Variants in PTPN11 observed in about 807,000 individuals in gnomAD.
PTPN11 encodes protein tyrosine phosphatase non-receptor type 11, also known as tyrosine-protein phosphatase non-receptor type 11.
Under a neutral mutation model 78.8 loss-of-function variants are expected in PTPN11, and 6 were observed. The observed-to-expected ratio is 0.08, with a 90% CI of 0.04 to 0.15. The LOEUF is 0.15. PTPN11 is among the 10% of genes least tolerant of loss of function. PTPN11 has a pLI of 1.00. For synonymous variants in PTPN11, 221 were observed against 263.5 expected (o/e 0.84, Z 1.56); for missense variants, 386 against 744.8 (o/e 0.52, Z 5.61).
At chr12:112,445,200 T>C (rs184447201) in intron 1 of PTPN11, among the ~76,000 whole-genome samples, 2 of 152,234 alleles carry the variant, frequency 1.3e-5, no homozygotes, top group East Asian at 1.9e-4. Context: ...GGCACGATCA[T>C]GGCTCACTGC....
chr12:112,437,970 G>C (rs1169864476), intron 1 of PTPN11, among the ~76,000 whole-genome samples: 1 of 151,998 alleles, frequency 6.6e-6, no homozygotes, highest in Non-Finnish European at 1.5e-5. Flanking sequence ...GTTTGTTCTA[G>C]GTTTTCTGAC....
chr12:112,462,165 C>T (rs556441045), intron 6 of PTPN11, among the ~76,000 whole-genome samples: 12 of 152,042 alleles, frequency 7.9e-5, no homozygotes, highest in African/African-American at 1.2e-4. Flanking sequence ...TGAGACCAGC[C>T]GGGGCAATAT....
chr12:112,436,636 T>G (rs1198023577), intron 1 of PTPN11, among the ~76,000 whole-genome samples: 1 of 152,160 alleles, frequency 6.6e-6, no homozygotes, highest in South Asian at 2.1e-4. Context: ...GAGCAAAATA[T>G]GCATCCAGAT....
chr12:112,445,501 G>A (rs989594842), intron 1 of PTPN11, among the ~76,000 whole-genome samples: 3 of 152,046 alleles, frequency 2.0e-5, no homozygotes, highest in African/African-American at 4.8e-5. Flanking sequence ...ATTACAGTTT[G>A]CACTAATACC....
At chr12:112,486,352 T>G (rs1029128501) in intron 10 of PTPN11, 123 bp from the exon 11 acceptor site, 1 of 1,051,840 alleles carries the variant, frequency 9.5e-7, no homozygotes. Flanking sequence ...GAAGAGGACC[T>G]TTCAGTGGAA....
Position 112,478,025 on chromosome 12 carries a change from A to G in PTPN11, c.1092+10A>G, listed in dbSNP as rs758723402. The G allele has an allele frequency of 8.7e-6, 14 of 1,613,858 alleles. No homozygotes were observed. The East Asian group carries it at 3.1e-4, about 36-fold the overall frequency. ...AGTGGAGAGAGGAAAGGTAAATCAC[A>G]GAAACTTCTTTTCTGCTAAACTGTT... On this transcript the variant is annotated intron_variant, in intron 9 of 15. Transcript: ENST00000351677.
At chr12:112,441,967 G>A (rs960370806) in intron 1 of PTPN11, among the ~76,000 whole-genome samples, 1 of 151,684 alleles carries the variant, frequency 6.6e-6, no homozygotes, top group Non-Finnish European at 1.5e-5. Flanking sequence ...TTAGTAGAGA[G>A]GGGGTTTCAC....
At chr12:112,474,850 C>T (rs530200249) in intron 7 of PTPN11, among the ~76,000 whole-genome samples, 4 of 151,758 alleles carry the variant, frequency 2.6e-5, no homozygotes, top group South Asian at 2.1e-4. Flanking sequence ...AGGCTGGTCT[C>T]GAATTCCTGG....
chr12:112,495,846 G>GA (rs894402079), intron 13 of PTPN11, among the ~76,000 whole-genome samples: 3 of 152,058 alleles, frequency 2.0e-5, no homozygotes, highest in African/African-American at 7.2e-5. Flanking sequence ...TACTCAGAAT[G>GA]AAAAACAGAA....
In PTPN11 at chr12:112,453,462, A is replaced by G. The variant is rs1051160214; in HGVS notation, c.525+75A>G. On this transcript the variant is annotated intron_variant, in intron 4 of 15. Coordinates refer to ENST00000351677, the MANE Select transcript of PTPN11 (RefSeq NM_002834.5). ...ATTTTTCTGCTGACAGAAGACAGAC[A>G]CCATTACATTCAAAGTCAGATTGTC... 6 of 1,141,446 alleles carry G rather than the reference A, an allele frequency of 5.3e-6. No individual in the cohort carries two copies. The African/African-American group carries it at 6.1e-5, about 12-fold the overall frequency. The allele number at this position is 1,141,446 out of a possible 1,614,324, so 70.7% of individuals were successfully genotyped here.
chr12:112,489,825 A>G (rs1425046448), intron 13 of PTPN11, among the ~76,000 whole-genome samples: 1 of 152,134 alleles, frequency 6.6e-6, no homozygotes, highest in African/African-American at 2.4e-5. Context: ...GTGTCTAAAC[A>G]TCAGTGGCGA....
intron 5 of PTPN11, among the ~76,000 whole-genome samples, chr12:112,454,980 C>T (rs927441325): frequency 1.3e-5 from 2 of 150,090 alleles, no homozygotes; most frequent in Non-Finnish European, 3.0e-5. Flanking sequence ...CCACCATGCC[C>T]GGCTAGTTTT....
At chr12:112,473,411 A>G (rs2038449953) in intron 7 of PTPN11, among the ~76,000 whole-genome samples, 1 of 152,132 alleles carries the variant, frequency 6.6e-6, no homozygotes, top group Admixed American at 6.5e-5. Flanking sequence ...AGTCCTGGGT[A>G]AGGCCTGCCT....
At chr12:112,456,227 C>T (rs559490766) in intron 6 of PTPN11, among the ~76,000 whole-genome samples, 164 bp downstream of exon 6, 3 of 152,152 alleles carry the variant, frequency 2.0e-5, no homozygotes, top group Non-Finnish European at 4.4e-5. Flanking sequence ...AGGGCTTCTT[C>T]GAAACAGAAG....
chr12:112,433,745 G>A (rs1432919839), intron 1 of PTPN11, among the ~76,000 whole-genome samples: 1 of 152,160 alleles, frequency 6.6e-6, no homozygotes, highest in Non-Finnish European at 1.5e-5. Context: ...GAAGCCAGGA[G>A]CTTGGGGCCA....
chr12:112,440,540 A>G lies in PTPN11; in HGVS notation c.15-5736A>G, dbSNP rs2037869737. The stretch of plus-strand genomic sequence containing the variant: ...CGGCCTCCCAAAGTGCCGGGATTAC[A>G]GGCGTGAGCCACTGTGCCTGGCCTT... On this transcript the variant is annotated intron_variant, in intron 1 of 15. Transcript: ENST00000351677. Among the ~76,000 whole-genome samples the G allele has an allele frequency of 2.2e-5, 3 of 136,470 alleles. No homozygotes were observed. In the Admixed American group the frequency reaches 2.4e-4, roughly 11 times the overall value. 89.5% of individuals were successfully genotyped at this position (136,470 alleles called of 152,430 possible).
chr12:112,487,893 C>T (rs1400824823), intron 11 of PTPN11, among the ~76,000 whole-genome samples: 1 of 152,140 alleles, frequency 6.6e-6, no homozygotes, highest in African/African-American at 2.4e-5. Flanking sequence ...AAGCAATTCT[C>T]ATGTCTCAGC....
chr12:112,439,937 C>T (rs893300953), intron 1 of PTPN11, among the ~76,000 whole-genome samples: 3 of 152,248 alleles, frequency 2.0e-5, no homozygotes, highest in East Asian at 1.9e-4. Context: ...CCAGTTGCCA[C>T]ACCCAATTAA....
intron 13 of PTPN11, among the ~76,000 whole-genome samples, chr12:112,497,031 G>A (rs1253452491): frequency 1.3e-5 from 2 of 152,046 alleles, no homozygotes. Flanking sequence ...AATTAGCCAG[G>A]CGTAGTGGTG....
Sources: gnomAD v4.1 joint callset for allele counts (sites outside exome capture counted in the v4.1 genomes callset) on GRCh38, gnomAD v4.1.1 for gene constraint, MANE v1.5 for transcripts, NCBI Gene and HGNC (gene_info 2026-07-23, HGNC 2026-07-21) for gene names.